The following NR6A1 variants were observed in gnomAD, a reference collection of about 807,000 sequenced individuals.
NR6A1 encodes nuclear receptor subfamily 6 group A member 1.
NR6A1 carries 7 observed loss-of-function variants against 59.1 expected under a neutral mutation model. That is an observed-to-expected ratio of 0.12 (90% CI 0.07 to 0.22). NR6A1 has a LOEUF of 0.22. Ranked by LOEUF, NR6A1 falls within the 10% of genes least tolerant of loss-of-function variation. NR6A1 has a pLI of 1.00. For synonymous variants in NR6A1, 243 were observed against 236.1 expected, an observed-to-expected ratio of 1.03 and a Z score of -0.27; for missense variants, 468 against 611.6, an observed-to-expected ratio of 0.77 and a Z score of 2.48.
chr9:124,668,733 T>C (rs61119108), intron 2 of NR6A1, among the ~76,000 whole-genome samples: 16,913 of 152,216 alleles, frequency 0.11, 2,483 homozygotes, highest in African/African-American at 0.33. Flanking sequence ...AATATAAATA[T>C]TAATTCAATG....
At chr9:124,688,146 AC>A (rs1838404189) in intron 2 of NR6A1, among the ~76,000 whole-genome samples, 1 of 151,986 alleles carries the variant, frequency 6.6e-6, no homozygotes, top group African/African-American at 2.4e-5. Context: ...ACATAGTGAG[AC>A]CCTGTCTGTA....
rs911218938 is a variant in NR6A1 at position 124,755,136 on chromosome 9, T to G, written c.100+15884A>C. On this transcript the variant is annotated intron_variant, in intron 1 of 9. Coordinates refer to ENST00000487099, the MANE Select transcript of NR6A1 (RefSeq NM_033334.4). ...TACCATTACTACAGTAACTCCTTTC[T>G]GCAAAGATCTGCTTTTCAGAGGTTG... Among the ~76,000 whole-genome samples the G allele has an allele frequency of 4.0e-5, 6 of 149,002 alleles. No homozygotes were observed. The South Asian group carries it at 1.1e-3, about 27-fold the overall frequency.
intron 9 of NR6A1, among the ~76,000 whole-genome samples, chr9:124,523,184 AC>A (rs908915893): frequency 4.0e-5 from 6 of 151,828 alleles, no homozygotes; most frequent in Non-Finnish European, 8.8e-5. Flanking sequence ...CACCCCCTCA[AC>A]CCCCGGTAGA....
chr9:124,592,440 C>T (rs975867782), intron 2 of NR6A1, among the ~76,000 whole-genome samples: 1 of 152,044 alleles, frequency 6.6e-6, no homozygotes, highest in Non-Finnish European at 1.5e-5. Context: ...TACAATATAT[C>T]AGAGGGGCAG....
At chr9:124,665,442 C>T (rs1177992968) in intron 2 of NR6A1, among the ~76,000 whole-genome samples, 2 of 152,086 alleles carry the variant, frequency 1.3e-5, no homozygotes, top group African/African-American at 4.8e-5. Context: ...CAGGCTGGTT[C>T]CATAATGACC....
chr9:124,581,090 T>C (rs1358864297), intron 2 of NR6A1, among the ~76,000 whole-genome samples: 2 of 152,066 alleles, frequency 1.3e-5, no homozygotes, highest in African/African-American at 2.4e-5. Context: ...CCCTTCCTTA[T>C]ACCATATACA....
intron 2 of NR6A1, among the ~76,000 whole-genome samples, chr9:124,616,016 C>A (rs969421570): frequency 6.6e-6 from 1 of 152,094 alleles, no homozygotes; most frequent in East Asian, 1.9e-4. Flanking sequence ...TGAGTCACCA[C>A]GCCCAGCTCA....
At chr9:124,742,391 G>A (rs374555296) in intron 1 of NR6A1, among the ~76,000 whole-genome samples, 1 of 151,832 alleles carries the variant, frequency 6.6e-6, no homozygotes, top group Non-Finnish European at 1.5e-5. Context: ...GAGAAACCCC[G>A]TCTCTACTAA....
intron 2 of NR6A1, among the ~76,000 whole-genome samples, chr9:124,589,438 T>G (rs978606166): frequency 1.3e-5 from 2 of 152,080 alleles, no homozygotes; most frequent in Non-Finnish European, 2.9e-5. Flanking sequence ...AGAGCGAGAC[T>G]CCGTCTCAAA....
chr9:124,573,662 C>T (rs1233518565), intron 2 of NR6A1, among the ~76,000 whole-genome samples: 1 of 152,176 alleles, frequency 6.6e-6, no homozygotes, highest in Admixed American at 6.5e-5. Context: ...TTTTTAAATA[C>T]AGCCGCTACA....
Position 124,524,841 on chromosome 9 carries a change from C to T in NR6A1, c.1234G>A (p.Glu412Lys), listed in dbSNP as rs761190025. 6.2e-7 allele frequency: 1 copy of T among 1,613,534 alleles called. No homozygotes were observed. The highest frequency in any genetic ancestry group is 2.2e-5 in the East Asian group (1 of 44,882). ...IRGLTSASQL[E>K]QLNKRYWYIC... is the part of the protein sequence containing the mutation. ...TACCAGTATCGTTTATTCAATTGTT[C>T]CAGCTGTGAGGCACTGGTCAGACCC... is the stretch of plus-strand genomic sequence containing the variant. The change falls in exon 9 of 10, where the codon GAA becomes AAA. Residue 412 changes from glutamate to lysine, a missense_variant. By Grantham distance (56) the Glu-to-Lys change is moderately conservative. Around this residue, in one of 4 missense-constraint regions of NR6A1, gnomAD observed 176 missense variants for 264.0 expected, o/e 0.67. Coordinates refer to ENST00000487099, the MANE Select transcript of NR6A1 (RefSeq NM_033334.4).
chr9:124,729,768 C>G (rs1270572758), intron 2 of NR6A1, among the ~76,000 whole-genome samples: 2 of 152,060 alleles, frequency 1.3e-5, no homozygotes, highest in African/African-American at 4.8e-5. Flanking sequence ...CTCATTTGAA[C>G]CCCAAAACTG....
chr9:124,691,602 C>T (rs1403825608), intron 2 of NR6A1, among the ~76,000 whole-genome samples: 3 of 152,162 alleles, frequency 2.0e-5, no homozygotes, highest in Non-Finnish European at 4.4e-5. Flanking sequence ...GTACTGGTAT[C>T]GTTTCAGCCA....
intron 2 of NR6A1, among the ~76,000 whole-genome samples, chr9:124,647,934 G>A (rs1406034504): frequency 6.6e-6 from 1 of 151,896 alleles, no homozygotes; most frequent in African/African-American, 2.4e-5. Flanking sequence ...AAATTGAAGA[G>A]GAACACTTCC....
At chr9:124,647,743 A>T (rs533205465) in intron 2 of NR6A1, among the ~76,000 whole-genome samples, 50 of 90,918 alleles carry the variant, frequency 5.5e-4, no homozygotes, top group African/African-American at 3.2e-3. Context: ...AAAAAAAAAG[A>T]AAGAAAGAAA....
At chr9:124,746,453 G>T (rs948041174) in intron 1 of NR6A1, among the ~76,000 whole-genome samples, 30 of 152,106 alleles carry the variant, frequency 2.0e-4, no homozygotes, top group African/African-American at 6.0e-4. Flanking sequence ...GCTGGGCATG[G>T]TGGTGGGCAC....
intron 2 of NR6A1, among the ~76,000 whole-genome samples, chr9:124,648,574 C>T (rs1303335767): frequency 6.6e-6 from 1 of 151,902 alleles, no homozygotes; most frequent in Non-Finnish European, 1.5e-5. Context: ...TCAAATAGTA[C>T]TGAATGTATA....
At chr9:124,600,582 T>C (rs1342005736) in intron 2 of NR6A1, among the ~76,000 whole-genome samples, 1 of 152,160 alleles carries the variant, frequency 6.6e-6, no homozygotes, top group Non-Finnish European at 1.5e-5. Context: ...CATAAAATAA[T>C]ATTATGTGAT....
intron 2 of NR6A1, among the ~76,000 whole-genome samples, chr9:124,696,613 C>T (rs1838773669): frequency 6.8e-6 from 1 of 147,466 alleles, no homozygotes; most frequent in South Asian, 2.2e-4. Context: ...ACCTCTGCCT[C>T]CTGGGTTCAA....
Sources: gnomAD v4.1 joint callset for allele counts (sites outside exome capture counted in the v4.1 genomes callset) on GRCh38, gnomAD v4.1.1 for gene constraint, gnomAD v4.1.1 regional missense constraint, MANE v1.5 for transcripts, NCBI Gene and HGNC (gene_info 2026-07-23, HGNC 2026-07-21) for gene names.